The following GCH1 variants were observed in gnomAD, a reference collection of about 807,000 sequenced individuals.
GCH1 encodes GTP cyclohydrolase 1.
GCH1 carries 5 observed loss-of-function variants against 25.9 expected under a neutral mutation model. The ratio of observed to expected loss-of-function variants is 0.19; its 90% CI spans 0.10 to 0.41. GCH1 has a LOEUF of 0.41. GCH1 is among the 10% of genes least tolerant of loss of function. GCH1 has a pLI of 1.00. For missense variants in GCH1, 261 were observed against 336.5 expected (o/e 0.78, Z 1.75); for synonymous variants, 159 against 129.6 (o/e 1.23, Z -1.54).
chr14:54,893,001 C>T (rs1261439830), intron 1 of GCH1, among the ~76,000 whole-genome samples: 4 of 152,140 alleles, frequency 2.6e-5, no homozygotes, highest in Admixed American at 6.5e-5. Context: ...ATTGCTTGAA[C>T]CTGGGCGGCA....
At chr14:54,858,324 C>T (rs1020511726) in intron 3 of GCH1, among the ~76,000 whole-genome samples, 3 of 152,154 alleles carry the variant, frequency 2.0e-5, no homozygotes, top group Non-Finnish European at 2.9e-5. Flanking sequence ...CTTACTCCAT[C>T]GCCCAGGCTG....
chr14:54,863,228 G>C (rs980605743), intron 2 of GCH1, among the ~76,000 whole-genome samples: 2 of 151,676 alleles, frequency 1.3e-5, no homozygotes, highest in African/African-American at 4.8e-5. Flanking sequence ...GACCATCCTG[G>C]CTAACACCGT....
At chr14:54,877,642 A>G (rs1443560990) in intron 1 of GCH1, among the ~76,000 whole-genome samples, 1 of 152,072 alleles carries the variant, frequency 6.6e-6, no homozygotes, top group Non-Finnish European at 1.5e-5. Context: ...TACAGGCGCA[A>G]GCCACCATGC....
At chr14:54,891,944 G>T (rs1388242375) in intron 1 of GCH1, among the ~76,000 whole-genome samples, 2 of 152,158 alleles carry the variant, frequency 1.3e-5, no homozygotes, top group Non-Finnish European at 1.5e-5. Flanking sequence ...CAAGAGTAGT[G>T]ACGTTGGCAA....
intron 5 of GCH1, 144 bp downstream of exon 5, chr14:54,845,624 A>G (rs2140041330): frequency 1.4e-6 from 1 of 711,670 alleles, no homozygotes; most frequent in East Asian, 2.6e-5. Flanking sequence ...GTGGTAAAAG[A>G]GCTTTAGGCT....
chr14:54,856,989 T>TA (rs540130397), intron 3 of GCH1, among the ~76,000 whole-genome samples: 125 of 152,316 alleles, frequency 8.2e-4, no homozygotes, highest in African/African-American at 2.8e-3. Context: ...TATATAAGAT[T>TA]AAAATGAGCA....
At chr14:54,854,908 G>A (rs186023905) in intron 3 of GCH1, among the ~76,000 whole-genome samples, 2 of 152,238 alleles carry the variant, frequency 1.3e-5, no homozygotes, top group African/African-American at 4.8e-5. Context: ...AGTATAAACT[G>A]GCATGGTCTC....
intron 3 of GCH1, among the ~76,000 whole-genome samples, chr14:54,858,582 G>A (rs779145160): frequency 2.6e-5 from 4 of 151,772 alleles, no homozygotes; most frequent in South Asian, 2.1e-4. Context: ...GACGGCACCC[G>A]GCCGAGACTC....
intron 1 of GCH1, among the ~76,000 whole-genome samples, chr14:54,896,852 G>A (rs545858360): frequency 4.8e-5 from 7 of 147,098 alleles, no homozygotes; most frequent in East Asian, 2.0e-4. Flanking sequence ...CCGGGAGACC[G>A]AGCTTGCAGT....
In GCH1 at chr14:54,902,631, C is replaced by T. The variant is rs2140127730; in HGVS notation, c.33G>A (p.Glu11=). The change falls in exon 1 of 6, where the codon GAG becomes GAA. Residue 11 remains glutamate, a synonymous_variant. Coordinates refer to ENST00000491895, the MANE Select transcript of GCH1 (RefSeq NM_000161.3). ...TGCTGCACCTGGCGCCCCGCGGCTT[C>T]TCCGCCGGTGCCCGCACAGGGCCCT... MEKGPVRAPA[E]KPRGARCSNG... 1 of 1,485,752 alleles carries T rather than the reference C, an allele frequency of 6.7e-7. No individual in the cohort carries two copies. The allele number at this position is 1,485,752 out of a possible 1,614,324, so 92.0% of individuals were successfully genotyped here.
chr14:54,899,404 G>A (rs1404098046), intron 1 of GCH1, among the ~76,000 whole-genome samples: 1 of 152,156 alleles, frequency 6.6e-6, no homozygotes, highest in Non-Finnish European at 1.5e-5. Flanking sequence ...ACTGCAGTGA[G>A]CCGAGATTGC....
At chr14:54,848,830 A>T (rs1279088031) in intron 3 of GCH1, among the ~76,000 whole-genome samples, 1 of 152,240 alleles carries the variant, frequency 6.6e-6, no homozygotes, top group Non-Finnish European at 1.5e-5. Flanking sequence ...ACAAAACCTT[A>T]GAAAGGAATG....
At chr14:54,891,529 C>T (rs10132356) in intron 1 of GCH1, among the ~76,000 whole-genome samples, 6,435 of 151,794 alleles carry the variant, frequency 0.042, 486 homozygotes, top group African/African-American at 0.15. Flanking sequence ...CGTGCCTCAG[C>T]CTCCCGAGTA....
At chr14:54,862,027 T>C (rs572439539) in intron 2 of GCH1, among the ~76,000 whole-genome samples, 38 of 152,248 alleles carry the variant, frequency 2.5e-4, no homozygotes, top group African/African-American at 7.9e-4. Flanking sequence ...TTCTGATTGC[T>C]TTCTCTTCTT....
chr14:54,895,990 C>T (rs117939781), intron 1 of GCH1, among the ~76,000 whole-genome samples: 2,377 of 152,214 alleles, frequency 0.016, 33 homozygotes, highest in South Asian at 0.048. Context: ...GACGCTGCAA[C>T]GTAGGGAAAA....
At chr14:54,851,939 C>T (rs1182437323) in intron 3 of GCH1, among the ~76,000 whole-genome samples, 2 of 152,224 alleles carry the variant, frequency 1.3e-5, no homozygotes, top group Non-Finnish European at 2.9e-5. Context: ...TTTATTGCAG[C>T]ACTACTCACA....
In GCH1 at chr14:54,851,245, G is replaced by C. The variant is rs535822458; in HGVS notation, c.510-4115C>G. 2.6e-5 allele frequency among the ~76,000 whole-genome samples: 4 copies of C among 152,264 alleles called. No individual in the cohort carries two copies. The South Asian group carries it at 8.3e-4, about 32-fold the overall frequency. ...TTCCAGATGGATTAAACACTTAAAT[G>C]TTAGACCTAAAACCATAAAAACCCT... On this transcript the variant is annotated intron_variant, in intron 3 of 5. Transcript: ENST00000491895.
chr14:54,867,586 T>C (rs1335913728), intron 1 of GCH1, among the ~76,000 whole-genome samples: 1 of 64,434 alleles, frequency 1.6e-5, no homozygotes, highest in South Asian at 5.6e-4. Context: ...CAAGACTCCG[T>C]CTCAAAAAAA....
intron 1 of GCH1, among the ~76,000 whole-genome samples, chr14:54,896,353 A>ATCC (rs1161811909): frequency 2.0e-5 from 3 of 152,062 alleles, no homozygotes; most frequent in Non-Finnish European, 2.9e-5. Flanking sequence ...TCCCACCAGT[A>ATCC]TCCTTCCTTC....
Sources: allele counts gnomAD v4.1 joint callset (sites outside exome capture counted in the v4.1 genomes callset), GRCh38; gene constraint gnomAD v4.1.1; transcripts MANE v1.5; gene names NCBI Gene and HGNC (gene_info 2026-07-23, HGNC 2026-07-21).